MYRIP: variants seen among roughly 807,000 people sequenced by gnomAD.
MYRIP encodes rab effector MyRIP.
MYRIP carries 49 observed loss-of-function variants against 98.0 expected under a neutral mutation model. The ratio of observed to expected loss-of-function variants is 0.50; its 90% CI spans 0.40 to 0.63. The LOEUF (loss-of-function observed/expected upper bound fraction) is 0.63. MYRIP is among the 30% of genes least tolerant of loss of function. The pLI is 0.00. For missense variants in MYRIP, 1,004 were observed against 1,058.2 expected, an observed-to-expected ratio of 0.95 and a Z score of 0.71; for synonymous variants, 404 against 409.5, an observed-to-expected ratio of 0.99 and a Z score of 0.16.
chr3:40,014,886 T>C (rs893888967), intron 2 of MYRIP, among the ~76,000 whole-genome samples: 14 of 152,238 alleles, frequency 9.2e-5, no homozygotes, highest in Non-Finnish European at 1.8e-4. Flanking sequence ...TTGTCTGGGC[T>C]TGAGTTACCT....
intron 8 of MYRIP, chr3:40,173,307 A>G (rs530785081): frequency 2.6e-5 from 4 of 152,244 alleles, no homozygotes; most frequent in Non-Finnish European, 4.4e-5. Context: ...GGTTCTGAGC[A>G]TTTCCTGCAC....
chr3:40,159,873 A>G (rs1039339443), intron 4 of MYRIP, among the ~76,000 whole-genome samples: 16 of 152,142 alleles, frequency 1.1e-4, no homozygotes, highest in East Asian at 3.9e-4. Flanking sequence ...TCTCTGTGTT[A>G]GTTATTCTAG....
chr3:40,130,866 A>G (rs1949623534), intron 3 of MYRIP, among the ~76,000 whole-genome samples: 1 of 151,948 alleles, frequency 6.6e-6, no homozygotes, highest in South Asian at 2.1e-4. Flanking sequence ...CTATATTCCT[A>G]TCCTGGCTAG....
intron 2 of MYRIP, among the ~76,000 whole-genome samples, chr3:40,020,663 G>A (rs1946970951): frequency 6.6e-6 from 1 of 152,118 alleles, no homozygotes; most frequent in African/African-American, 2.4e-5. Context: ...TTGCAAAGAT[G>A]GTATATGCAC....
At chr3:39,918,020 AG>A (rs1368401698) in intron 2 of MYRIP, among the ~76,000 whole-genome samples, 2 of 150,580 alleles carry the variant, frequency 1.3e-5, no homozygotes, top group African/African-American at 4.9e-5. Flanking sequence ...TCAGCTTCCC[AG>A]GTTCACGCCA....
At chr3:40,068,169 T>C (rs1430575700) in intron 3 of MYRIP, among the ~76,000 whole-genome samples, 2 of 152,232 alleles carry the variant, frequency 1.3e-5, no homozygotes, top group African/African-American at 4.8e-5. Context: ...CAAGTAGCAG[T>C]CTTGGTTCAA....
At chr3:40,064,780 C>T (rs750953156) in intron 3 of MYRIP, among the ~76,000 whole-genome samples, 1 of 152,106 alleles carries the variant, frequency 6.6e-6, no homozygotes, top group Non-Finnish European at 1.5e-5. Context: ...ATAAAATGAG[C>T]TTGTGTTGAG....
intron 10 of MYRIP, among the ~76,000 whole-genome samples, chr3:40,195,380 C>A (rs1205956783): frequency 6.6e-6 from 1 of 152,144 alleles, no homozygotes; most frequent in African/African-American, 2.4e-5. Context: ...GCAGCCTTGA[C>A]CTTCTGTGCT....
intron 12 of MYRIP, among the ~76,000 whole-genome samples, chr3:40,239,062 C>T (rs1276519977): frequency 8.1e-6 from 1 of 123,656 alleles, no homozygotes; most frequent in Non-Finnish European, 1.6e-5. Context: ...CCCCCCTCCC[C>T]CCACCCCACA....
intron 1 of MYRIP, among the ~76,000 whole-genome samples, chr3:39,849,548 C>T (rs1273658239): frequency 6.6e-6 from 1 of 152,176 alleles, no homozygotes; most frequent in Non-Finnish European, 1.5e-5. Context: ...TCAGTAGCTA[C>T]AGGCATGTCA....
At chr3:40,226,796 A>G (rs1952504854) in intron 11 of MYRIP, among the ~76,000 whole-genome samples, 1 of 152,188 alleles carries the variant, frequency 6.6e-6, no homozygotes, top group Admixed American at 6.5e-5. Flanking sequence ...TCAGTGAGTT[A>G]CTGTTAACAG....
chr3:40,204,237 T>TATATA lies in MYRIP; in HGVS notation c.1666-5617_1666-5616insATATA, dbSNP rs376871030. Among the ~76,000 whole-genome samples, 7 of 63,566 alleles carry TATATA rather than the reference T, an allele frequency of 1.1e-4. 1 individual carries two copies. The highest frequency in any genetic ancestry group is 8.2e-3 in the Middle Eastern group (1 of 122). The allele number at this position is 63,566 out of a possible 152,430, so 41.7% of individuals were successfully genotyped here. ...ATATTATATATAAATATATATATAT[T>TATATA]TTTTTTTTTTGAGACAGAGTCTCAC... On this transcript the variant is annotated intron_variant, in intron 10 of 16. Transcript: ENST00000302541.
intron 2 of MYRIP, among the ~76,000 whole-genome samples, chr3:40,033,005 G>GA (rs959618480): frequency 4.6e-5 from 7 of 151,648 alleles, no homozygotes; most frequent in East Asian, 1.9e-4. Flanking sequence ...AAAGGCCTTT[G>GA]AAAAAATTCA....
At chr3:40,102,730 T>C (rs1177570926) in intron 3 of MYRIP, among the ~76,000 whole-genome samples, 2 of 151,944 alleles carry the variant, frequency 1.3e-5, no homozygotes, top group Admixed American at 6.6e-5. Context: ...GAGTTAGGTA[T>C]GTACACCCTG....
intron 2 of MYRIP, among the ~76,000 whole-genome samples, chr3:39,904,664 G>A (rs1447209508): frequency 1.3e-5 from 2 of 152,140 alleles, no homozygotes; most frequent in Non-Finnish European, 2.9e-5. Flanking sequence ...AAAGCTTACA[G>A]CCCTCATTCT....
chr3:40,220,092 T>C (rs1228267589), intron 11 of MYRIP, among the ~76,000 whole-genome samples: 2 of 151,914 alleles, frequency 1.3e-5, no homozygotes, highest in Admixed American at 6.6e-5. Flanking sequence ...CCAGTGATGA[T>C]GAGCATTTTT....
At chr3:39,819,154 G>A (rs1941023936) in intron 1 of MYRIP, among the ~76,000 whole-genome samples, 1 of 152,074 alleles carries the variant, frequency 6.6e-6, no homozygotes, top group Non-Finnish European at 1.5e-5. Flanking sequence ...TTTGAGACCA[G>A]CCTGACCAAC....
At chr3:40,218,039 A>C (rs576005015) in intron 11 of MYRIP, among the ~76,000 whole-genome samples, 1 of 152,330 alleles carries the variant, frequency 6.6e-6, no homozygotes, top group African/African-American at 2.4e-5. Flanking sequence ...ATAATCACTC[A>C]GAAAATATAA....
intron 1 of MYRIP, among the ~76,000 whole-genome samples, chr3:39,889,100 C>T (rs1943404476): frequency 6.6e-6 from 1 of 152,078 alleles, no homozygotes; most frequent in Non-Finnish European, 1.5e-5. Context: ...ACTAGTTCAA[C>T]CATTGTGGAA....
Sources: gnomAD v4.1 joint callset for allele counts (sites outside exome capture counted in the v4.1 genomes callset) on GRCh38, gnomAD v4.1.1 for gene constraint, MANE v1.5 for transcripts, NCBI Gene and HGNC (gene_info 2026-07-23, HGNC 2026-07-21) for gene names.